Variants in XIAP observed in about 807,000 individuals in gnomAD.
XIAP encodes the protein E3 ubiquitin-protein ligase XIAP.
A neutral mutation model predicts 33.1 loss-of-function variants in XIAP; 3 were observed. The observed-to-expected ratio is 0.09, with a 90% CI of 0.04 to 0.23. XIAP has a LOEUF of 0.23. XIAP is among the 10% of genes least tolerant of loss of function. The probability of loss-of-function intolerance (pLI) is 1.00; values close to 1 mark genes in which losing one functional copy is unlikely to be tolerated. For synonymous variants in XIAP, 98 were observed against 121.3 expected, an observed-to-expected ratio of 0.81 and a Z score of 1.26; for missense variants, 264 against 363.0, an observed-to-expected ratio of 0.73 and a Z score of 2.22.
chrX:123,883,003 C>T (rs1157258858), intron 1 of XIAP, among the ~76,000 whole-genome samples: 1 of 110,356 alleles, frequency 9.1e-6, no homozygotes, highest in East Asian at 2.8e-4. Context: ...CCATTTTGGT[C>T]AGGCTGGTCT....
At chrX:123,865,220 TAA>T (rs1480457463) in intron 1 of XIAP, among the ~76,000 whole-genome samples, 1 of 110,211 alleles carries the variant, frequency 9.1e-6, no homozygotes, top group African/African-American at 3.3e-5. Context: ...AGTGATAAGA[TAA>T]AAAATACTTT....
At chrX:123,901,805 C>G (rs2053516241) in intron 6 of XIAP, among the ~76,000 whole-genome samples, 1 of 109,791 alleles carries the variant, frequency 9.1e-6, no homozygotes, top group African/African-American at 3.3e-5. Flanking sequence ...AAAATAAACC[C>G]TTTAATTGTC....
rs1455807743 is a variant in XIAP at position 123,860,187 on chromosome X, C to G, written c.-139C>G. The G allele has an allele frequency of 3.0e-6, 1 of 329,914 alleles. No individual in the cohort carries two copies. The highest frequency in any genetic ancestry group is 5.9e-6 in the Non-Finnish European group (1 of 170,021). 27.2% of individuals were successfully genotyped at this position (329,914 alleles called of 1,213,427 possible). On this transcript the variant is annotated 5_prime_UTR_variant, in exon 1 of 7. Coordinates refer to ENST00000371199, the MANE Select transcript of XIAP (RefSeq NM_001167.4). Reference sequence around the variant, plus strand: ...CCTAGGCTGGGGCCAAGCCGCAGAGCGGAGTTGGCATTTCCAGATTGGGGC... The same window carrying G: ...CCTAGGCTGGGGCCAAGCCGCAGAGGGGAGTTGGCATTTCCAGATTGGGGC...
intron 6 of XIAP, among the ~76,000 whole-genome samples, chrX:123,903,181 T>A (rs931241518): frequency 3.7e-4 from 7 of 18,955 alleles, no homozygotes; most frequent in African/African-American, 1.7e-3. Flanking sequence ...TATTTTATAA[T>A]TTTTTTTTTT....
intron 6 of XIAP, among the ~76,000 whole-genome samples, chrX:123,903,366 T>G (rs185949835): frequency 1.7e-3 from 180 of 108,698 alleles, no homozygotes; most frequent in African/African-American, 5.8e-3. Context: ...TTTTGTATTT[T>G]TAGTAGAGAC....
At chrX:123,876,796 G>T (rs1423765503) in intron 1 of XIAP, among the ~76,000 whole-genome samples, 1 of 111,617 alleles carries the variant, frequency 9.0e-6, no homozygotes, top group African/African-American at 3.3e-5. Flanking sequence ...TCAATGTTAG[G>T]CAGTCTTCCT....
At chrX:123,888,805 C>T in intron 3 of XIAP, 87 bp downstream of exon 3, 1 of 838,628 alleles carries the variant, frequency 1.2e-6, no homozygotes, top group Non-Finnish European at 1.8e-6. Context: ...ACTATTTTTG[C>T]CTTCACTATG....
intron 5 of XIAP, among the ~76,000 whole-genome samples, chrX:123,896,908 C>T (rs964520369): frequency 2.9e-5 from 3 of 104,613 alleles, no homozygotes; most frequent in Admixed American, 1.1e-4. Context: ...TGGTGTTCTT[C>T]GAAGCATAAA....
At position 123,908,964 on chromosome X, in the gene XIAP, T is replaced by G. The variant is rs1569480089; in HGVS notation, c.*1783T>G. The G allele has an allele frequency of 6.0e-6, 2 of 335,839 alleles. No homozygotes were observed. The highest frequency in any genetic ancestry group is 5.2e-5 in the African/African-American group (2 of 38,221). 27.7% of individuals were successfully genotyped at this position (335,839 alleles called of 1,213,427 possible). ...TCTAAGAGAAAGAGTATTGTTATGT[T>G]CTCCTAACTTCTGTTGATTACTACT... On this transcript the variant is annotated 3_prime_UTR_variant, in exon 7 of 7. Transcript: ENST00000371199.
intron 2 of XIAP, among the ~76,000 whole-genome samples, chrX:123,888,275 C>T (rs374665719): frequency 1.8e-5 from 2 of 111,744 alleles, no homozygotes; most frequent in East Asian, 5.6e-4. Flanking sequence ...GCAAAGGTTG[C>T]AGTGAACCAA....
At chrX:123,883,491 CTTTTCT>C (rs1333305846) in intron 1 of XIAP, among the ~76,000 whole-genome samples, 13 of 79,105 alleles carry the variant, frequency 1.6e-4, no homozygotes, top group South Asian at 8.5e-4. Context: ...CTTTTCTTTT[CTTTTCT>C]TTTTTTTTTT....
At chrX:123,900,278 G>T (rs1421297397) in intron 5 of XIAP, among the ~76,000 whole-genome samples, 1 of 111,833 alleles carries the variant, frequency 8.9e-6, no homozygotes, top group African/African-American at 3.2e-5. Context: ...CATACTCATT[G>T]CATTTACAAT....
At chrX:123,876,721 A>ATAAATAAATAAG (rs2053248756) in intron 1 of XIAP, among the ~76,000 whole-genome samples, 1 of 111,069 alleles carries the variant, frequency 9.0e-6, no homozygotes, top group South Asian at 3.7e-4. Context: ...AAATAAATAA[A>ATAAATAAATAAG]TAAATAAAAA....
intron 1 of XIAP, among the ~76,000 whole-genome samples, chrX:123,883,299 G>T (rs1405745355): frequency 9.0e-6 from 1 of 110,555 alleles, no homozygotes; most frequent in African/African-American, 3.3e-5. Flanking sequence ...GGTCAGGCTG[G>T]TCTCGAACTC....
At position 123,909,923 on chromosome X, in the gene XIAP, T is replaced by A. The variant is rs766727494; in HGVS notation, c.*2742T>A. 16 of 328,057 alleles carry A rather than the reference T, an allele frequency of 4.9e-5. No individual in the cohort carries two copies. Among genetic ancestry groups the A allele is most frequent in the Non-Finnish European group, 7.7e-5 (13 of 169,793 alleles). 27.0% of individuals were successfully genotyped at this position (328,057 alleles called of 1,213,427 possible). On this transcript the variant is annotated 3_prime_UTR_variant, in exon 7 of 7. Transcript: ENST00000371199. ...TTCCATCTAATTCCGCAAAAATTGA[T>A]CATTTGCAAAGTCAAAACTATAGCC... is the stretch of plus-strand genomic sequence containing the variant.
rs748255094 is a variant in XIAP, at chrX:123,864,635, AGTGTGTGTGTGTGTGTGTGTGT to A, written c.-33+4367_-33+4388del. Among the ~76,000 whole-genome samples the A allele has an allele frequency of 4.2e-3, 356 of 84,630 alleles. 1 individual carries two copies. Among genetic ancestry groups the A allele is most frequent in the African/African-American group, 0.015 (328 of 22,429 alleles). The allele number at this position is 84,630 out of a possible 115,157, so 73.5% of individuals were successfully genotyped here. On this transcript the variant is annotated intron_variant, in intron 1 of 6. Transcript: ENST00000371199. ...GCACCCGCCACCACACCCGGCTTAG[AGTGTGTGTGTGTGTGTGTGTGT>A]GTGTGTGTGTGTGTGTGTGTGTGTT...
intron 6 of XIAP, among the ~76,000 whole-genome samples, chrX:123,901,885 T>A (rs981045272): frequency 9.0e-6 from 1 of 110,981 alleles, no homozygotes; most frequent in African/African-American, 3.3e-5. Context: ...CAGGCTGGAG[T>A]GCAATGGCAC....
At chrX:123,889,430 T>A (rs751629249) in intron 3 of XIAP, among the ~76,000 whole-genome samples, 1 of 110,419 alleles carries the variant, frequency 9.1e-6, no homozygotes, top group Admixed American at 9.7e-5. Flanking sequence ...GGTCTTGAAC[T>A]CCTGACCTCA....
chrX:123,871,020 G>T (rs2053188849), intron 1 of XIAP, among the ~76,000 whole-genome samples: 1 of 111,436 alleles, frequency 9.0e-6, no homozygotes, highest in South Asian at 3.7e-4. Flanking sequence ...TGGGCTCAAT[G>T]CAACCTCCGC....
Sources: allele counts gnomAD v4.1 joint callset (sites outside exome capture counted in the v4.1 genomes callset), GRCh38; gene constraint gnomAD v4.1.1; transcripts MANE v1.5; gene names NCBI Gene and HGNC (gene_info 2026-07-23, HGNC 2026-07-21).